Variants in SKIC3 observed in about 807,000 individuals in gnomAD.
SKIC3 encodes the protein superkiller complex protein 3.
the SKIC3 span, among the ~76,000 whole-genome samples, chr5:95,504,420 CTCTT>C: frequency 3.8e-4 from 57 of 151,962 alleles, 2 homozygotes; most frequent in African/African-American, 1.4e-3. Context: ...TACGAAGTGT[CTCTT>C]TTTTTTCTTA....
chr5:95,495,269 A>G, the SKIC3 span: 2 of 456,820 alleles, frequency 4.4e-6, no homozygotes, highest in East Asian at 4.0e-5. Context: ...CAAAAGTTAT[A>G]TAATTTTACC....
chr5:95,540,680 G>A, the SKIC3 span: 61 of 1,613,664 alleles, frequency 3.8e-5, no homozygotes, highest in Non-Finnish European at 5.0e-5. Context: ...AGGAATAAAT[G>A]AGTCAATACC....
chr5:95,536,896 C>G, the SKIC3 span: 29 of 1,613,466 alleles, frequency 1.8e-5, no homozygotes, highest in South Asian at 2.1e-4. Flanking sequence ...CTTCACAGGC[C>G]TTCTTCAATC....
At chr5:95,467,839 A>G in the SKIC3 span, 3 of 1,613,028 alleles carry the variant, frequency 1.9e-6, no homozygotes, top group Non-Finnish European at 1.7e-6. Flanking sequence ...AATGCCTCAA[A>G]CATTTTAAAT....
At chr5:95,481,450 T>C in the SKIC3 span, among the ~76,000 whole-genome samples, 1 of 152,202 alleles carries the variant, frequency 6.6e-6, no homozygotes, top group Admixed American at 6.5e-5. Context: ...CCATTAAACC[T>C]CTTTCTTCTG....
At chr5:95,543,368 C>T in the SKIC3 span, 29 of 1,603,152 alleles carry the variant, frequency 1.8e-5, no homozygotes, top group African/African-American at 6.7e-5. Flanking sequence ...AGTAAATTTT[C>T]GAAGCAAATG....
At chr5:95,525,282 A>T in the SKIC3 span, 1 of 988,436 alleles carries the variant, frequency 1.0e-6, no homozygotes, top group Non-Finnish European at 1.6e-6. Context: ...CTTAAAGCCT[A>T]CAAAGATCAA....
chr5:95,492,649 AAAG>A, the SKIC3 span, among the ~76,000 whole-genome samples: 161 of 53,078 alleles, frequency 3.0e-3, 8 homozygotes, highest in African/African-American at 0.034. Flanking sequence ...AAAAAAAAAA[AAAG>A]AAAAAAAAAA....
the SKIC3 span, chr5:95,523,305 T>A: frequency 3.7e-6 from 6 of 1,613,612 alleles, no homozygotes; most frequent in Non-Finnish European, 4.2e-6. Flanking sequence ...GTTACTGTTG[T>A]TAGGATAGCT....
the SKIC3 span, chr5:95,548,516 T>G: frequency 1.3e-5 from 2 of 152,026 alleles, no homozygotes; most frequent in African/African-American, 4.8e-5. Context: ...ATTATATAAT[T>G]TAAAGCACCA....
chr5:95,525,542 A>T, the SKIC3 span: 1 of 1,613,804 alleles, frequency 6.2e-7, no homozygotes, highest in Non-Finnish European at 8.5e-7. Context: ...CCAAATAAAA[A>T]TGCTTTTAAC....
the SKIC3 span, among the ~76,000 whole-genome samples, chr5:95,485,669 A>C: frequency 3.9e-5 from 6 of 152,194 alleles, no homozygotes; most frequent in Non-Finnish European, 2.9e-5. Flanking sequence ...TTCTGAAAGA[A>C]TTTGAGTAGA....
chr5:95,550,643 T>C, the SKIC3 span: 1 of 152,408 alleles, frequency 6.6e-6, no homozygotes, highest in African/African-American at 2.4e-5. Context: ...TCCTTACCCA[T>C]TTTCCATCTA....
chr5:95,504,056 C>T, the SKIC3 span: 22 of 690,920 alleles, frequency 3.2e-5, no homozygotes, highest in East Asian at 5.8e-4. Flanking sequence ...CATCTGTAAT[C>T]CCAGCACTTT....
At chr5:95,516,803 A>G in the SKIC3 span, 3 of 1,586,362 alleles carry the variant, frequency 1.9e-6, no homozygotes, top group African/African-American at 1.4e-5. Flanking sequence ...AGCAGCATGT[A>G]TATCAAGATA....
At chr5:95,503,717 C>A in the SKIC3 span, 55 of 1,560,410 alleles carry the variant, frequency 3.5e-5, no homozygotes, top group African/African-American at 6.9e-4. Flanking sequence ...ACATTGCAAC[C>A]CCCACCCCAT....
At chr5:95,538,328 TGAATCTATGCACA>T in the SKIC3 span, among the ~76,000 whole-genome samples, 2 of 152,150 alleles carry the variant, frequency 1.3e-5, no homozygotes, top group African/African-American at 4.8e-5. Flanking sequence ...TTTCCACAAT[TGAATCTATGCACA>T]GATAAATCAT....
the SKIC3 span, chr5:95,523,207 C>T: frequency 6.2e-7 from 1 of 1,613,766 alleles, no homozygotes; most frequent in South Asian, 1.1e-5. Flanking sequence ...CTTACTCAGC[C>T]ACTGCTTGAG....
chr5:95,467,466 G>A, the SKIC3 span, among the ~76,000 whole-genome samples: 5 of 152,090 alleles, frequency 3.3e-5, no homozygotes, highest in African/African-American at 9.7e-5. Context: ...TGCTCAACCT[G>A]TATAGTTTCC....
Sources: gnomAD v4.1 joint callset for allele counts (sites outside exome capture counted in the v4.1 genomes callset) on GRCh38, gnomAD v4.1.1 for gene constraint, MANE v1.5 for transcripts, NCBI Gene and HGNC (gene_info 2026-07-23, HGNC 2026-07-21) for gene names.